MSR1: variants seen among roughly 807,000 people sequenced by gnomAD.
MSR1 encodes the protein macrophage scavenger receptor types I and II.
Under a neutral mutation model 47.2 loss-of-function variants are expected in MSR1, and 53 were observed. That is an observed-to-expected ratio of 1.12 (90% CI 0.90 to 1.41). The LOEUF (loss-of-function observed/expected upper bound fraction) is 1.41, where lower values mean the gene tolerates loss of function less well. Ranked by LOEUF, MSR1 falls within the 40% of genes most tolerant of loss-of-function variation. The pLI is 0.00. For synonymous variants in MSR1, 239 were observed against 185.6 expected (o/e 1.29, Z -2.34); for missense variants, 786 against 546.9 (o/e 1.44, Z -4.36).
chr8:16,169,623 G>C (rs567190015), intron 3 of MSR1, among the ~76,000 whole-genome samples: 5 of 152,086 alleles, frequency 3.3e-5, no homozygotes, highest in African/African-American at 1.2e-4. Flanking sequence ...TTTGGTGTAC[G>C]TGTCTCAACC....
At chr8:16,121,240 TCA>T (rs1251863189) in intron 8 of MSR1, 1 of 387,038 alleles carries the variant, frequency 2.6e-6, no homozygotes, top group Non-Finnish European at 5.0e-6. Flanking sequence ...AGATAAAAAA[TCA>T]GACAATTTTG....
At chr8:16,189,270 A>T (rs559335325) in intron 1 of MSR1, among the ~76,000 whole-genome samples, 1 of 137,924 alleles carries the variant, frequency 7.3e-6, no homozygotes, top group Non-Finnish European at 1.5e-5. Flanking sequence ...TTTTATTTAT[A>T]TTTCAAATAT....
chr8:16,188,481 A>G (rs926228546), intron 1 of MSR1, among the ~76,000 whole-genome samples: 13 of 151,916 alleles, frequency 8.6e-5, no homozygotes, highest in African/African-American at 1.5e-4. Context: ...ATTTCAAACG[A>G]ATTTTTCAAA....
chr8:16,170,840 G>A (rs768731087), intron 3 of MSR1, among the ~76,000 whole-genome samples: 1 of 152,052 alleles, frequency 6.6e-6, no homozygotes, highest in Non-Finnish European at 1.5e-5. Context: ...CCTTGCTTTG[G>A]TTTTCTCAAT....
In MSR1 at chr8:16,168,537, T is replaced by C. The variant is rs1207108924; in HGVS notation, c.551A>G (p.Asn184Ser). 5.6e-6 allele frequency: 9 copies of C among 1,614,054 alleles called. No individual in the cohort carries two copies. The highest frequency in any genetic ancestry group is 7.6e-6 in the Non-Finnish European group (9 of 1,180,016). ...GAGCTGCAAATCAAGCAATGTGGTA[T>C]TCAAACTTATTAAGGACTTGGAGAT... ...DEISKSLISL[N>S]TTLLDLQLNI... The change falls in exon 4 of 10, where the codon AAT (asparagine) becomes AGT (serine). Residue 184 changes from asparagine (N) to serine (S), a missense_variant. By Grantham distance (46) the Asn-to-Ser change is conservative (BLOSUM62 1). Transcript: ENST00000262101.
chr8:16,150,851 A>AACACAC (rs3036816), intron 6 of MSR1, among the ~76,000 whole-genome samples: 9,056 of 142,042 alleles, frequency 0.064, 338 homozygotes, highest in Non-Finnish European at 0.084. Context: ...CATAAACATA[A>AACACAC]ACACACACAC....
rs1327408703 is a variant in MSR1, at chr8:16,189,453, T to TATTTTATATATATAAAATCA, written c.-5+3144_-5+3145insTGATTTTATATATATAAAAT. ...AATCATATTTTATATATATAAAATC[T>TATTTTATATATATAAAATCA]TATTTTATATATATTTTATATATTT... is the stretch of plus-strand genomic sequence containing the variant. On this transcript the variant is annotated intron_variant, in intron 1 of 9. Transcript: ENST00000262101. Among the ~76,000 whole-genome samples the TATTTTATATATATAAAATCA allele has an allele frequency of 1.6e-4, 8 of 49,236 alleles. 2 individuals are homozygous for TATTTTATATATATAAAATCA. Among genetic ancestry groups the TATTTTATATATATAAAATCA allele is most frequent in the African/African-American group, 1.1e-3 (8 of 7,350 alleles). 32.3% of individuals were successfully genotyped at this position (49,236 alleles called of 152,430 possible). A position where few individuals can be genotyped will look rare whatever the true frequency, so the allele number is the denominator to read the frequency against.
At chr8:16,134,614 A>T (rs1390975815) in intron 8 of MSR1, among the ~76,000 whole-genome samples, 4 of 152,172 alleles carry the variant, frequency 2.6e-5, no homozygotes, top group Admixed American at 6.5e-5. Flanking sequence ...TAACCTTAAC[A>T]ACGGCCTCTA....
At chr8:16,158,867 G>C (rs924759127) in intron 5 of MSR1, among the ~76,000 whole-genome samples, 2 of 149,030 alleles carry the variant, frequency 1.3e-5, no homozygotes, top group Non-Finnish European at 3.0e-5. Context: ...TTATTCCTCA[G>C]CTGAATTTTT....
chr8:16,150,356 A>C (rs1345817763), intron 6 of MSR1, 45 bp from the exon 7 acceptor site: 3 of 1,190,888 alleles, frequency 2.5e-6, no homozygotes, highest in Non-Finnish European at 3.6e-6. Context: ...ATTCATTTTC[A>C]TACAGACTTG....
chr8:16,183,746 A>G (rs1801910375), intron 1 of MSR1, among the ~76,000 whole-genome samples: 1 of 143,252 alleles, frequency 7.0e-6, no homozygotes, highest in South Asian at 2.1e-4. Flanking sequence ...TATATAATAT[A>G]AATATATGTA....
chr8:16,169,489 T>C (rs1310408827), intron 3 of MSR1, among the ~76,000 whole-genome samples: 2 of 152,168 alleles, frequency 1.3e-5, no homozygotes, highest in African/African-American at 4.8e-5. Context: ...AAAGGTACGA[T>C]TCTCATAAGA....
intron 8 of MSR1, among the ~76,000 whole-genome samples, chr8:16,121,670 A>G (rs1248750667): frequency 1.3e-5 from 2 of 151,730 alleles, no homozygotes; most frequent in African/African-American, 4.8e-5. Flanking sequence ...AATAATCATA[A>G]AAACTAATAA....
chr8:16,152,128 A>G lies in MSR1; in HGVS notation c.899-1817T>C, dbSNP rs531819978. On this transcript the variant is annotated intron_variant, in intron 6 of 9. Coordinates refer to ENST00000262101, the MANE Select transcript of MSR1 (RefSeq NM_138715.3). ...CCTCAGTAATACAATCATTATTTTTACCAGCCTGTTGTAAAGGCTTCTAAA... is the reference window on the plus strand; with the variant it reads ...CCTCAGTAATACAATCATTATTTTTGCCAGCCTGTTGTAAAGGCTTCTAAA... Among the ~76,000 whole-genome samples the G allele has an allele frequency of 5.9e-5, 9 of 152,164 alleles. No homozygotes were observed. The East Asian group carries it at 1.5e-3, about 26-fold the overall frequency.
chr8:16,173,637 G>A (rs1232487474), intron 3 of MSR1, among the ~76,000 whole-genome samples: 2 of 151,892 alleles, frequency 1.3e-5, no homozygotes, highest in South Asian at 2.1e-4. Context: ...TTTTCCTGTG[G>A]TGACTTTTTT....
chr8:16,174,189 T>C (rs1252612898), intron 3 of MSR1, among the ~76,000 whole-genome samples: 1 of 152,194 alleles, frequency 6.6e-6, no homozygotes, highest in East Asian at 1.9e-4. Flanking sequence ...TTTTGCTCTG[T>C]CTTGGAATAC....
chr8:16,164,135 G>A lies in MSR1; in HGVS notation c.747C>T (p.Asn249=). The A allele has an allele frequency of 1.9e-6, 3 of 1,611,984 alleles. No individual in the cohort carries two copies. The South Asian group carries it at 3.3e-5, about 18-fold the overall frequency. ...CTTTCAGTCTGAGATCATTAGTGAT[G>A]TTATTCAGTACTTTCACTTCTCCTT... The part of the protein sequence containing the change: ...EIKGEVKVLN[N]ITNDLRLKDW... Residue 249 remains asparagine (N), a synonymous_variant, in exon 5 of 10, where the codon AAC becomes AAT. Transcript: ENST00000262101.
chr8:16,112,294 T>A (rs989221), intron 9 of MSR1, among the ~76,000 whole-genome samples: 13,311 of 152,184 alleles, frequency 0.087, 669 homozygotes, highest in East Asian at 0.13. Flanking sequence ...CTTTTTATAA[T>A]AACCTTGTTA....
intron 3 of MSR1, among the ~76,000 whole-genome samples, chr8:16,173,187 GT>G (rs1306783606): frequency 1.3e-5 from 2 of 152,106 alleles, no homozygotes; most frequent in East Asian, 3.9e-4. Context: ...ATCAATCATT[GT>G]AAACTCCAGA....
Sources: allele counts gnomAD v4.1 joint callset (sites outside exome capture counted in the v4.1 genomes callset), GRCh38; gene constraint gnomAD v4.1.1; transcripts MANE v1.5; gene names NCBI Gene and HGNC (gene_info 2026-07-23, HGNC 2026-07-21).